Variants in SLC35D4 observed in about 807,000 individuals in gnomAD.
SLC35D4 encodes UDP-N-acetylglucosamine transporter SLC35D4.
the SLC35D4 span, among the ~76,000 whole-genome samples, chr18:23,354,709 C>T: frequency 6.6e-6 from 1 of 152,156 alleles, no homozygotes; most frequent in Admixed American, 6.5e-5. Flanking sequence ...CTCTATGCCT[C>T]TAGCCACAGG....
At chr18:23,275,079 TGTGCTTGTGTGC>T in the SLC35D4 span, among the ~76,000 whole-genome samples, 1 of 149,262 alleles carries the variant, frequency 6.7e-6, no homozygotes, top group African/African-American at 2.5e-5. Context: ...TGTGTGTGTG[TGTGCTTGTGTGC>T]GTGCTTGTGT....
chr18:23,414,331 A>AGGC, the SLC35D4 span, among the ~76,000 whole-genome samples: 1 of 140,450 alleles, frequency 7.1e-6, no homozygotes, highest in African/African-American at 2.7e-5. Flanking sequence ...GGAAGGAAGG[A>AGGC]AGGCAGGCAG....
At chr18:23,424,163 G>A in the SLC35D4 span, among the ~76,000 whole-genome samples, 1 of 152,232 alleles carries the variant, frequency 6.6e-6, no homozygotes, top group African/African-American at 2.4e-5. Context: ...GTGGACAGAT[G>A]CTGAAGATGT....
chr18:23,433,473 A>C, the SLC35D4 span, among the ~76,000 whole-genome samples: 3 of 152,192 alleles, frequency 2.0e-5, no homozygotes, highest in Non-Finnish European at 2.9e-5. Flanking sequence ...CTCTGAGCTG[A>C]AGGCTCAATT....
At chr18:23,391,461 C>A in the SLC35D4 span, among the ~76,000 whole-genome samples, 1 of 152,148 alleles carries the variant, frequency 6.6e-6, no homozygotes, top group African/African-American at 2.4e-5. Context: ...CACTGAGTCA[C>A]CCAGCCTACC....
At chr18:23,311,817 T>C in the SLC35D4 span, among the ~76,000 whole-genome samples, 1 of 152,252 alleles carries the variant, frequency 6.6e-6, no homozygotes. Flanking sequence ...TTTTGTAATG[T>C]TTCTCTTCAT....
chr18:23,382,433 A>C, the SLC35D4 span, among the ~76,000 whole-genome samples: 3 of 151,990 alleles, frequency 2.0e-5, no homozygotes, highest in Admixed American at 6.6e-5. Flanking sequence ...GAGGAGAACC[A>C]CCACGTGGTT....
the SLC35D4 span, among the ~76,000 whole-genome samples, chr18:23,383,412 T>C: frequency 1 from 151,186 of 151,824 alleles, 75,283 homozygotes; most frequent in Middle Eastern, 1. Flanking sequence ...CACGGGGGCC[T>C]GGAGAGGCCA....
At chr18:23,329,709 T>C in the SLC35D4 span, among the ~76,000 whole-genome samples, 34 of 152,332 alleles carry the variant, frequency 2.2e-4, no homozygotes, top group Non-Finnish European at 4.1e-4. Flanking sequence ...TTACTGGGTA[T>C]ATACCCAAAG....
the SLC35D4 span, among the ~76,000 whole-genome samples, chr18:23,271,793 T>C: frequency 6.6e-6 from 1 of 152,170 alleles, no homozygotes; most frequent in Middle Eastern, 3.2e-3. Flanking sequence ...GTTTGATCAA[T>C]CATGCCTACA....
chr18:23,351,236 A>G, the SLC35D4 span, among the ~76,000 whole-genome samples: 1 of 152,042 alleles, frequency 6.6e-6, no homozygotes, highest in South Asian at 2.1e-4. Context: ...GTCAAACTCC[A>G]TCTTTACTAA....
At chr18:23,267,506 C>A in the SLC35D4 span, among the ~76,000 whole-genome samples, 4 of 152,044 alleles carry the variant, frequency 2.6e-5, no homozygotes, top group East Asian at 7.7e-4. Flanking sequence ...TAGGGACTTG[C>A]TTTCCTCCCC....
chr18:23,345,613 C>T, the SLC35D4 span, among the ~76,000 whole-genome samples: 5 of 149,286 alleles, frequency 3.3e-5, no homozygotes, highest in South Asian at 1.1e-3. Flanking sequence ...TAGCTTAGTA[C>T]TAAATTTTCA....
At chr18:23,402,603 C>G in the SLC35D4 span, among the ~76,000 whole-genome samples, 1 of 151,664 alleles carries the variant, frequency 6.6e-6, no homozygotes, top group African/African-American at 2.4e-5. Context: ...CTGGGAGTTT[C>G]AGACCAGCCT....
At chr18:23,340,539 G>A in the SLC35D4 span, among the ~76,000 whole-genome samples, 1 of 152,080 alleles carries the variant, frequency 6.6e-6, no homozygotes, top group Non-Finnish European at 1.5e-5. Context: ...CTTCATCTTG[G>A]TCCTGTGTAT....
At chr18:23,346,522 T>A in the SLC35D4 span, among the ~76,000 whole-genome samples, 1 of 152,152 alleles carries the variant, frequency 6.6e-6, no homozygotes, top group Non-Finnish European at 1.5e-5. Context: ...GGATGCTTTT[T>A]TTTTTTTCCT....
At chr18:23,312,736 T>A in the SLC35D4 span, among the ~76,000 whole-genome samples, 1 of 152,136 alleles carries the variant, frequency 6.6e-6, no homozygotes, top group Non-Finnish European at 1.5e-5. Context: ...CTCCCCTCTC[T>A]GCATTGTGAA....
the SLC35D4 span, among the ~76,000 whole-genome samples, chr18:23,274,409 GA>G: frequency 1.3e-5 from 2 of 152,220 alleles, no homozygotes; most frequent in African/African-American, 4.8e-5. Context: ...TGAGAAGAAA[GA>G]ATCAGCTTTG....
the SLC35D4 span, among the ~76,000 whole-genome samples, chr18:23,386,124 CAAAAAAAAAAA>C: frequency 4.9e-5 from 2 of 41,132 alleles, no homozygotes; most frequent in African/African-American, 9.2e-5. Context: ...GACTCTGTCT[CAAAAAAAAAAA>C]AAAAAAAAAA....
Sources: allele counts gnomAD v4.1 joint callset (sites outside exome capture counted in the v4.1 genomes callset), GRCh38; gene constraint gnomAD v4.1.1; transcripts MANE v1.5; gene names NCBI Gene and HGNC (gene_info 2026-07-23, HGNC 2026-07-21).